Variants in DEAF1 observed in about 807,000 individuals in gnomAD.
The protein encoded by DEAF1 is deformed epidermal autoregulatory factor 1 homolog.
DEAF1 carries 53 observed loss-of-function variants against 58.9 expected under a neutral mutation model. The ratio of observed to expected loss-of-function variants is 0.90; its 90% CI spans 0.72 to 1.13. DEAF1 has a LOEUF of 1.13. DEAF1 is among the 50% of genes most tolerant of loss of function. DEAF1 has a pLI of 0.00. For missense variants in DEAF1, 685 were observed against 791.4 expected (o/e 0.87, Z 1.61); for synonymous variants, 385 against 340.4 (o/e 1.13, Z -1.44).
chr11:651,672 G>A (rs938102607), intron 11 of DEAF1, among the ~76,000 whole-genome samples: 1 of 152,138 alleles, frequency 6.6e-6, no homozygotes, highest in African/African-American at 2.4e-5. Context: ...AGATCACAAG[G>A]TCAGGAGATC....
At chr11:704,954 G>T in intron 1 of DEAF1, 1 of 337,296 alleles carries the variant, frequency 3.0e-6, no homozygotes, top group Non-Finnish European at 5.8e-6. Flanking sequence ...CTGAGCTCTG[G>T]GTCAGGGCAA....
At chr11:679,339 ACT>A (rs1860232615) in intron 8 of DEAF1, among the ~76,000 whole-genome samples, 1 of 151,376 alleles carries the variant, frequency 6.6e-6, no homozygotes, top group East Asian at 1.9e-4. Flanking sequence ...ATCAGTTCTA[ACT>A]CTATTTTCCT....
chr11:703,929 A>G, intron 1 of DEAF1: 1 of 1,243,844 alleles, frequency 8.0e-7, no homozygotes, highest in Non-Finnish European at 1.0e-6. Flanking sequence ...GGAGTGCTAA[A>G]CAAATTCTAG....
At chr11:689,361 A>G (rs1321900719) in intron 2 of DEAF1, among the ~76,000 whole-genome samples, 1 of 147,388 alleles carries the variant, frequency 6.8e-6, no homozygotes, top group Admixed American at 6.8e-5. Context: ...GCCCACCACC[A>G]CACCAGGCTA....
At chr11:695,948 G>A (rs1344709074), upstream of DEAF1, 2 of 924,930 alleles carry the variant, frequency 2.2e-6, no homozygotes, top group Admixed American at 4.3e-5. Flanking sequence ...TCACGGGGCC[G>A]TGCCACCGTC....
chr11:695,962 A>G (rs1861127608), upstream of DEAF1: 3 of 827,110 alleles, frequency 3.6e-6, no homozygotes, highest in Non-Finnish European at 4.8e-6. Context: ...CACCGTCTCT[A>G]CGTGAGCGAG....
chr11:666,873 C>CAAAAAAAAAAAAAAAAAAAAAAAA (rs532628897), intron 10 of DEAF1, among the ~76,000 whole-genome samples: 1 of 60,252 alleles, frequency 1.7e-5, no homozygotes, highest in Non-Finnish European at 3.1e-5. Flanking sequence ...ACTCTGTCTC[C>CAAAAAAAAAAAAAAAAAAAAAAAA]AAAAAAAAAA....
At chr11:664,252 C>T (rs539358025) in intron 10 of DEAF1, among the ~76,000 whole-genome samples, 8 of 151,622 alleles carry the variant, frequency 5.3e-5, no homozygotes, top group Non-Finnish European at 1.0e-4. Flanking sequence ...AAAAAGTTCA[C>T]TTTTGTAGCC....
intron 1 of DEAF1, chr11:703,113 T>C: frequency 3.1e-6 from 5 of 1,610,000 alleles, no homozygotes; most frequent in Non-Finnish European, 4.2e-6. Flanking sequence ...CTGGAGGCCG[T>C]CCTGCAGGTG....
intron 10 of DEAF1, among the ~76,000 whole-genome samples, chr11:672,729 T>C (rs1215127125): frequency 6.6e-6 from 1 of 151,804 alleles, no homozygotes; most frequent in African/African-American, 2.4e-5. Flanking sequence ...ATGCCTGTAA[T>C]CCCAGCTATT....
At chr11:694,108 C>T (rs777187945) in intron 1 of DEAF1, among the ~76,000 whole-genome samples, 5 of 152,144 alleles carry the variant, frequency 3.3e-5, no homozygotes, top group Non-Finnish European at 5.9e-5. Context: ...AGGTGCCCAC[C>T]CACCCCAGGG....
At chr11:667,171 A>C (rs1859576416) in intron 10 of DEAF1, among the ~76,000 whole-genome samples, 1 of 151,918 alleles carries the variant, frequency 6.6e-6, no homozygotes, top group Non-Finnish European at 1.5e-5. Flanking sequence ...CCCAGCTAAA[A>C]ATTGGCCGGG....
chr11:686,713 C>T lies in DEAF1; in HGVS notation c.804+145G>A, dbSNP rs7109664. 7.3e-4 allele frequency: 784 copies of T among 1,069,794 alleles called. 8 individuals carry two copies. The African/African-American group carries it at 0.011, about 15-fold the overall frequency. 66.3% of individuals were successfully genotyped at this position (1,069,794 alleles called of 1,614,324 possible). On this transcript the variant is annotated intron_variant, in intron 5 of 11. Transcript: ENST00000382409. Reference sequence around the variant, plus strand: ...CTGAAACATGAGAGGGTAAATCACTCGCCCAAGGCCACACAGACAGCAGGT... The same window carrying T: ...CTGAAACATGAGAGGGTAAATCACTTGCCCAAGGCCACACAGACAGCAGGT...
intron 11 of DEAF1, among the ~76,000 whole-genome samples, chr11:646,118 T>G (rs542275039): frequency 6.4e-4 from 97 of 151,958 alleles, no homozygotes; most frequent in African/African-American, 2.2e-3. Flanking sequence ...CCGCCTGTGG[T>G]CATGCGCACC....
Position 674,723 on chromosome 11 carries a change from G to C in DEAF1, c.1316C>G (p.Pro439Arg), listed in dbSNP as rs747111818. 2.2e-5 allele frequency: 35 copies of C among 1,613,784 alleles called. No individual in the cohort carries two copies. The highest frequency in any genetic ancestry group is 2.7e-5 in the Non-Finnish European group (32 of 1,180,048). ...PPPTPTKAAP[P>R]ALVNGLELSE... ...CAGCTCCAGCCCATTGACCAACGCG[G>C]GAGGTGCCGCTTTGGTGGGAGTCGG... is the stretch of plus-strand genomic sequence containing the variant. The change falls in exon 10 of 12, where the codon CCC becomes CGC. Residue 439 changes from proline (P) to arginine (R), a missense_variant. This residue lies in a region of DEAF1 where 343 missense variants were observed against 379.8 expected (regional missense o/e 0.90). Transcript: ENST00000382409.
intron 10 of DEAF1, among the ~76,000 whole-genome samples, chr11:660,861 C>T (rs886488134): frequency 1.5e-4 from 22 of 150,956 alleles, no homozygotes; most frequent in African/African-American, 5.5e-4. Flanking sequence ...AAGCCCCTCT[C>T]GGCGCTGCTT....
chr11:697,300 G>A (rs1353630938), upstream of DEAF1, among the ~76,000 whole-genome samples: 2 of 152,170 alleles, frequency 1.3e-5, no homozygotes, highest in Non-Finnish European at 2.9e-5. Context: ...AACACATCTT[G>A]TCCATTACAT....
intron 11 of DEAF1, among the ~76,000 whole-genome samples, chr11:648,567 G>A (rs1243080460): frequency 6.6e-6 from 1 of 152,096 alleles, no homozygotes; most frequent in Non-Finnish European, 1.5e-5. Context: ...AGGTCCGGCT[G>A]GAAGGCAGCT....
At chr11:700,518 C>T (rs1861400791) in intron 1 of DEAF1, 1 of 978,222 alleles carries the variant, frequency 1.0e-6, no homozygotes, top group Non-Finnish European at 1.6e-6. Context: ...CAGAGCAAGA[C>T]CCTGTCTCAA....
Sources: gnomAD v4.1 joint callset for allele counts (sites outside exome capture counted in the v4.1 genomes callset) on GRCh38, gnomAD v4.1.1 for gene constraint, gnomAD v4.1.1 regional missense constraint, MANE v1.5 for transcripts, NCBI Gene and HGNC (gene_info 2026-07-23, HGNC 2026-07-21) for gene names.